UBN2: variants seen among roughly 807,000 people sequenced by gnomAD.
UBN2 encodes the protein ubinuclein 2.
UBN2 carries 35 observed loss-of-function variants against 120.2 expected under a neutral mutation model. The ratio of observed to expected loss-of-function variants is 0.29; its 90% confidence interval spans 0.22 to 0.39. The LOEUF (loss-of-function observed/expected upper bound fraction) is 0.39, where lower values mean the gene tolerates loss of function less well. Ranked by LOEUF, UBN2 falls within the 10% of genes least tolerant of loss-of-function variation. The pLI is 1.00. For missense variants in UBN2, 1,693 were observed against 1,663.2 expected, an observed-to-expected ratio of 1.02 and a Z score of -0.31; for synonymous variants, 661 against 648.7, an observed-to-expected ratio of 1.02 and a Z score of -0.29.
At position 139,284,121 on chromosome 7, in the gene UBN2, A is replaced by T. The variant is rs1797704079; in HGVS notation, c.3216A>T (p.Ser1072=). Residue 1072 remains serine, a synonymous_variant, in exon 15 of 18, where the codon TCA becomes TCT. Transcript: ENST00000473989. The stretch of plus-strand genomic sequence containing the variant: ...CTCTGTCAGCTAAGCCTTCAGTATC[A>T]ACTAAACTTATTTCTAAATCCAACC... The part of the protein sequence containing the change: ...KPSLSAKPSV[S]TKLISKSNPT... The T allele has an allele frequency of 1.2e-6, 2 of 1,614,102 alleles. No homozygotes were observed. The highest frequency in any genetic ancestry group is 2.7e-5 in the African/African-American group (2 of 75,004).
chr7:139,231,465 G>A lies in UBN2; in HGVS notation c.-20G>A. On this transcript the variant is annotated 5_prime_UTR_variant, in exon 1 of 18. Transcript: ENST00000473989. Reference sequence around the variant, plus strand: ...AGCGAGCGCCGGCTCGAGCAAAAGCGGAGGGCCAGAACAGTGGGGATGGCG... The same window carrying A: ...AGCGAGCGCCGGCTCGAGCAAAAGCAGAGGGCCAGAACAGTGGGGATGGCG... 1 of 1,321,448 alleles carries A rather than the reference G, an allele frequency of 7.6e-7. No homozygotes were observed. Among genetic ancestry groups the A allele is most frequent in the Non-Finnish European group, 9.7e-7 (1 of 1,029,222 alleles). 81.9% of individuals were successfully genotyped at this position (1,321,448 alleles called of 1,614,324 possible). A position where few individuals can be genotyped will look rare whatever the true frequency, so the allele number is the denominator to read the frequency against.
the UBN2 span, among the ~76,000 whole-genome samples, chr7:139,318,901 G>A: frequency 6.6e-6 from 1 of 152,174 alleles, no homozygotes; most frequent in East Asian, 1.9e-4. Flanking sequence ...TGGTTCTCCG[G>A]CTGGTGGCTA....
chr7:139,258,710 T>C, intron 4 of UBN2, 85 bp downstream of exon 4: 5 of 1,245,484 alleles, frequency 4.0e-6, no homozygotes, highest in South Asian at 2.3e-5. Flanking sequence ...CACGTGTGAA[T>C]GTAAGGAAAA....
intron 8 of UBN2, among the ~76,000 whole-genome samples, chr7:139,271,828 T>C (rs1472710559): frequency 6.6e-6 from 1 of 152,176 alleles, no homozygotes; most frequent in Non-Finnish European, 1.5e-5. Flanking sequence ...CATTTTTACT[T>C]GCAGCCTAAG....
intron 15 of UBN2, among the ~76,000 whole-genome samples, chr7:139,291,229 T>C (rs10215005): frequency 0.09 from 13,586 of 151,278 alleles, 1,053 homozygotes; most frequent in Admixed American, 0.2. Flanking sequence ...GGCGTGGTGG[T>C]GCACACCTGT....
intron 17 of UBN2, among the ~76,000 whole-genome samples, chr7:139,296,866 A>G (rs1798122852): frequency 6.6e-6 from 1 of 152,026 alleles, no homozygotes; most frequent in South Asian, 2.1e-4. Context: ...TAGCCAGTGT[A>G]CTCCAGCCTG....
chr7:139,259,445 C>G (rs1201048591), intron 5 of UBN2, 75 bp downstream of exon 5: 2 of 1,558,702 alleles, frequency 1.3e-6, no homozygotes, highest in African/African-American at 2.8e-5. Context: ...GATATACTTA[C>G]CATTAACTAA....
chr7:139,328,034 T>C, the UBN2 span, among the ~76,000 whole-genome samples: 11 of 152,362 alleles, frequency 7.2e-5, no homozygotes, highest in Non-Finnish European at 1.3e-4. Context: ...CCTTAAGTTA[T>C]ATAGTTTCCT....
chr7:139,278,230 G>T (rs1165035848), intron 12 of UBN2, among the ~76,000 whole-genome samples: 1 of 144,426 alleles, frequency 6.9e-6, no homozygotes, highest in Non-Finnish European at 1.5e-5. Context: ...CGCCCAGGCT[G>T]GAGTTCAGTG....
At chr7:139,326,288 C>A in the UBN2 span, among the ~76,000 whole-genome samples, 694 of 149,854 alleles carry the variant, frequency 4.6e-3, 3 homozygotes, top group Middle Eastern at 0.017. Flanking sequence ...AACAAACAAA[C>A]AAAAAATGGG....
At chr7:139,241,907 A>G (rs1796328851) in intron 2 of UBN2, among the ~76,000 whole-genome samples, 1 of 152,144 alleles carries the variant, frequency 6.6e-6, no homozygotes, top group Admixed American at 6.6e-5. Context: ...CTGAGGCAGG[A>G]GAATCCCTTG....
At chr7:139,311,079 T>C (rs1458152123), downstream of UBN2, among the ~76,000 whole-genome samples, 1 of 152,258 alleles carries the variant, frequency 6.6e-6, no homozygotes, top group African/African-American at 2.4e-5. Context: ...CTGCTTCCTA[T>C]ACATACAAAG....
In UBN2 at chr7:139,276,142, T is replaced by C; in HGVS notation, c.2019T>C (p.Ser673=). The part of the protein sequence containing the change: ...ESRSVHNHLT[S]APAKKKVIPA... ...GGAGTGTTCATAATCATCTTACTTC[T>C]GCTCCGTGAGTAAATGCAGACTCCA... Residue 673 remains serine (S), a synonymous_variant, in exon 12 of 18, where the codon TCT becomes TCC. Coordinates refer to ENST00000473989, the MANE Select transcript of UBN2 (RefSeq NM_173569.4). 1 of 1,613,584 alleles carries C rather than the reference T, an allele frequency of 6.2e-7. No homozygotes were observed. Among genetic ancestry groups the C allele is most frequent in the Non-Finnish European group, 8.5e-7 (1 of 1,179,838 alleles).
At chr7:139,330,423 C>A in the UBN2 span, among the ~76,000 whole-genome samples, 179 of 152,098 alleles carry the variant, frequency 1.2e-3, 1 homozygote, top group African/African-American at 4.1e-3. Context: ...TCCTTTTTGC[C>A]TCTTACTTCC....
intron 7 of UBN2, among the ~76,000 whole-genome samples, chr7:139,268,049 T>G (rs1797151836): frequency 6.6e-6 from 1 of 152,224 alleles, no homozygotes; most frequent in South Asian, 2.1e-4. Flanking sequence ...ACTGAGGCTG[T>G]TCTTTTTTAT....
intron 3 of UBN2, 30 bp downstream of exon 3, chr7:139,252,087 A>G: frequency 6.3e-7 from 1 of 1,579,678 alleles, no homozygotes; most frequent in Middle Eastern, 1.7e-4. Context: ...TATAGCAGCA[A>G]ATTCATTGTT....
intron 3 of UBN2, among the ~76,000 whole-genome samples, chr7:139,254,958 C>T (rs6971597): frequency 0.03 from 4,620 of 152,148 alleles, 103 homozygotes; most frequent in South Asian, 0.085. Flanking sequence ...TCATTGTCAC[C>T]GAAGTCCATA....
At chr7:139,293,792 G>A (rs575476267) in intron 16 of UBN2, 97 bp from the exon 17 acceptor site, 2 of 1,133,778 alleles carry the variant, frequency 1.8e-6, no homozygotes, top group African/African-American at 1.5e-5. Context: ...TCGAAGTCAG[G>A]TGCTGTGCCT....
intron 6 of UBN2, among the ~76,000 whole-genome samples, chr7:139,262,118 A>T (rs1764363219): frequency 6.6e-6 from 1 of 150,888 alleles, no homozygotes; most frequent in African/African-American, 2.4e-5. Flanking sequence ...ATTTATTTTG[A>T]GACAAAGCCT....
Sources: gnomAD v4.1 joint callset for allele counts (sites outside exome capture counted in the v4.1 genomes callset) on GRCh38, gnomAD v4.1.1 for gene constraint, MANE v1.5 for transcripts, NCBI Gene and HGNC (gene_info 2026-07-23, HGNC 2026-07-21) for gene names.